Variants in CMTR1 observed in about 807,000 individuals in gnomAD.
CMTR1 encodes cap methyltransferase 1, also known as cap-specific mRNA (nucleoside-2'-O-)-methyltransferase 1.
In CMTR1, 39 loss-of-function variants were observed where a neutral mutation model predicts 107.0. The ratio of observed to expected loss-of-function variants is 0.36; its 90% CI spans 0.28 to 0.48. CMTR1 has a LOEUF of 0.48. Among genes scored for constraint, CMTR1 ranks in the 20% least tolerant of loss-of-function variants. The pLI is 0.99. For synonymous variants in CMTR1, 366 were observed against 379.5 expected, an observed-to-expected ratio of 0.96 and a Z score of 0.41; for missense variants, 672 against 1,064.9, an observed-to-expected ratio of 0.63 and a Z score of 5.14.
chr6:37,429,524 T>A (rs945337310), upstream of CMTR1, among the ~76,000 whole-genome samples: 1 of 152,216 alleles, frequency 6.6e-6, no homozygotes, highest in Admixed American at 6.5e-5. Flanking sequence ...AATGGAGGCA[T>A]GCAGTATTTA....
upstream of CMTR1, among the ~76,000 whole-genome samples, chr6:37,431,012 CAAAAAAAAAA>C (rs34543353): frequency 2.0e-5 from 1 of 50,368 alleles, no homozygotes; most frequent in African/African-American, 7.2e-5. Context: ...GACTCCGTCT[CAAAAAAAAAA>C]AAAAAAAAAA....
At chr6:37,425,772 G>GT in the CMTR1 span, among the ~76,000 whole-genome samples, 1 of 152,022 alleles carries the variant, frequency 6.6e-6, no homozygotes, top group Admixed American at 6.6e-5. Flanking sequence ...ATATCTTTGA[G>GT]TTCATTTTAT....
At chr6:37,478,228 T>TG (rs1485768636) in intron 21 of CMTR1, among the ~76,000 whole-genome samples, 181 bp from the exon 22 acceptor site, 1 of 152,098 alleles carries the variant, frequency 6.6e-6, no homozygotes, top group Non-Finnish European at 1.5e-5. Context: ...ACTGCCTGAG[T>TG]GGGAATTCAG....
intron 2 of CMTR1, 125 bp downstream of exon 2, chr6:37,435,887 C>G (rs1771518418): frequency 1.1e-5 from 10 of 941,198 alleles, no homozygotes; most frequent in Non-Finnish European, 1.4e-5. Flanking sequence ...TAGGAATACT[C>G]TACAGAGAGA....
In CMTR1 at chr6:37,451,891, G is replaced by T; in HGVS notation, c.609+14G>T. 1 of 1,606,112 alleles carries T rather than the reference G, an allele frequency of 6.2e-7. No homozygotes were observed. The highest frequency in any genetic ancestry group is 1.1e-5 in the South Asian group (1 of 90,778). On this transcript the variant is annotated intron_variant, in intron 6 of 23. Transcript: ENST00000373451. ...TTGCAGTGTAAGGTAAGGTCTTGTG[G>T]CTAGAACCAGATAATGAAAACCTTG...
At chr6:37,459,197 A>G (rs1372369201) in intron 9 of CMTR1, among the ~76,000 whole-genome samples, 1 of 152,276 alleles carries the variant, frequency 6.6e-6, no homozygotes, top group Non-Finnish European at 1.5e-5. Context: ...GGTTGCAGAC[A>G]GCTCAGCAAC....
At chr6:37,452,082 T>A (rs780623920) in intron 6 of CMTR1, among the ~76,000 whole-genome samples, 13 of 152,194 alleles carry the variant, frequency 8.5e-5, no homozygotes, top group African/African-American at 1.2e-4. Context: ...GTCCCTGTGG[T>A]CAGCAGCCAA....
In CMTR1 at chr6:37,450,216, C is replaced by G. The variant is rs755719870; in HGVS notation, c.445-35C>G. ...TTGGGGTTTAGCTTTGAGGGTGTGT[C>G]ATATCTGTCTTACTAGCCTCTCTTT... On this transcript the variant is annotated intron_variant, in intron 4 of 23. Coordinates refer to ENST00000373451, the MANE Select transcript of CMTR1 (RefSeq NM_015050.3). 2.6e-6 allele frequency: 4 copies of G among 1,559,464 alleles called. No homozygotes were observed. The East Asian group carries it at 6.7e-5, about 26-fold the overall frequency.
rs1466548356 is a variant in CMTR1, at chr6:37,471,087, GC to G, written c.1562+13del. 6.3e-7 allele frequency: 1 copy of G among 1,586,722 alleles called. No homozygotes were observed. Among genetic ancestry groups the G allele is most frequent in the East Asian group, 2.3e-5 (1 of 44,184 alleles). Reference sequence around the variant, plus strand: ...CCTTTGTTCAAGACACGTGAGTGTTGCCCACTTTTCAGAAACCACCTATTTC... The same window carrying G: ...CCTTTGTTCAAGACACGTGAGTGTTGCCACTTTTCAGAAACCACCTATTTC... On this transcript the variant is annotated intron_variant, in intron 14 of 23. Transcript: ENST00000373451.
At chr6:37,469,770 C>T (rs960573139) in intron 13 of CMTR1, among the ~76,000 whole-genome samples, 3 of 151,820 alleles carry the variant, frequency 2.0e-5, no homozygotes, top group Non-Finnish European at 4.4e-5. Context: ...TCAGGTGATC[C>T]GCCAACCTTA....
intron 17 of CMTR1, 63 bp from the exon 18 acceptor site, chr6:37,474,461 A>G: frequency 5.6e-6 from 9 of 1,598,106 alleles, no homozygotes; most frequent in Non-Finnish European, 7.7e-6. Context: ...TCTTTTGAGA[A>G]GTAAGCCTCT....
chr6:37,468,889 T>A (rs531614536), intron 13 of CMTR1, among the ~76,000 whole-genome samples: 14 of 140,726 alleles, frequency 9.9e-5, no homozygotes, highest in East Asian at 9.9e-4. Context: ...TCTCAAAAAA[T>A]AAATAAATAA....
chr6:37,480,311 C>T lies in CMTR1; in HGVS notation c.*166C>T, dbSNP rs866380762. 15 of 1,416,258 alleles carry T rather than the reference C, an allele frequency of 1.1e-5. No individual in the cohort carries two copies. The African/African-American group carries it at 2.1e-4, about 20-fold the overall frequency. The allele number at this position is 1,416,258 out of a possible 1,614,324, so 87.7% of individuals were successfully genotyped here. A position where few individuals can be genotyped will look rare whatever the true frequency, so the allele number is the denominator to read the frequency against. On this transcript the variant is annotated 3_prime_UTR_variant, in exon 24 of 24. Coordinates refer to ENST00000373451, the MANE Select transcript of CMTR1 (RefSeq NM_015050.3). ...CTCTCCATCCCCTGAAGAGCTCAGG[C>T]AGGGCCCTGCAGAGAACACTCATGT...
At chr6:37,443,939 A>G in intron 2 of CMTR1, 60 bp from the exon 3 acceptor site, 1 of 1,566,912 alleles carries the variant, frequency 6.4e-7, no homozygotes, top group South Asian at 1.2e-5. Context: ...TGAAACTTGG[A>G]TGTCTGGAGG....
Position 37,461,479 on chromosome 6 carries a change from G to T in CMTR1, c.1096-70G>T, listed in dbSNP as rs1761402364. Reference sequence around the variant, plus strand: ...CACTTCAAGAACTCTCGATGAAGATGAGGTAGTGATGTTATTCTTAGTCCT... The same window carrying T: ...CACTTCAAGAACTCTCGATGAAGATTAGGTAGTGATGTTATTCTTAGTCCT... On this transcript the variant is annotated intron_variant, in intron 10 of 23. Coordinates refer to ENST00000373451, the MANE Select transcript of CMTR1 (RefSeq NM_015050.3). 3 of 776,194 alleles carry T rather than the reference G, an allele frequency of 3.9e-6. No individual in the cohort carries two copies. The Admixed American group carries it at 6.8e-5, about 18-fold the overall frequency. The allele number at this position is 776,194 out of a possible 1,614,324, so 48.1% of individuals were successfully genotyped here. A position where few individuals can be genotyped will look rare whatever the true frequency, so the allele number is the denominator to read the frequency against.
Position 37,458,588 on chromosome 6 carries a change from C to T in CMTR1, c.778-24C>T, listed in dbSNP as rs1313373803. 1.9e-6 allele frequency: 3 copies of T among 1,610,798 alleles called. No homozygotes were observed. The highest frequency in any genetic ancestry group is 2.5e-6 in the Non-Finnish European group (3 of 1,179,058). ...TGAGCTGTCTTGTTTTCCTTCCTCT[C>T]CTGTCCTCCACTTGCCTTTGCAGAA... On this transcript the variant is annotated intron_variant, in intron 8 of 23. Transcript: ENST00000373451. This position sits in a 1 kb window ranked among gnomAD's most constrained non-coding sequence, Gnocchi z 4.7.
chr6:37,456,599 C>A lies in CMTR1; in HGVS notation c.778-2013C>A, dbSNP rs569597266. ...ACTGTTTCCCCTAAAGCTTTCTGAT[C>A]GTTATCTAGCAGCTGCAGAACTCTA... On this transcript the variant is annotated intron_variant, in intron 8 of 23. Coordinates refer to ENST00000373451, the MANE Select transcript of CMTR1 (RefSeq NM_015050.3). Among the ~76,000 whole-genome samples, 4 of 152,292 alleles carry A rather than the reference C, an allele frequency of 2.6e-5. No individual in the cohort carries two copies. The South Asian group carries it at 8.3e-4, about 32-fold the overall frequency.
At chr6:37,434,153 T>G (rs1032296006) in intron 1 of CMTR1, among the ~76,000 whole-genome samples, 6 of 152,066 alleles carry the variant, frequency 3.9e-5, no homozygotes, top group Admixed American at 6.6e-5. Flanking sequence ...CTTAGCTTGG[T>G]CTTGCTTTCT....
At chr6:37,439,122 A>G (rs1030802730) in intron 2 of CMTR1, among the ~76,000 whole-genome samples, 1 of 152,214 alleles carries the variant, frequency 6.6e-6, no homozygotes, top group African/African-American at 2.4e-5. Context: ...TTCACATGGT[A>G]GCTGCATTGC....
Sources: allele counts gnomAD v4.1 joint callset (sites outside exome capture counted in the v4.1 genomes callset), GRCh38; gene constraint gnomAD v4.1.1; non-coding constraint Gnocchi (gnomAD v3.1); transcripts MANE v1.5; gene names NCBI Gene and HGNC (gene_info 2026-07-23, HGNC 2026-07-21).